KAT6A: variants seen among roughly 807,000 people sequenced by gnomAD.
KAT6A encodes the protein lysine acetyltransferase 6A.
KAT6A carries 9 observed loss-of-function variants against 198.4 expected under a neutral mutation model. The observed-to-expected ratio is 0.05, with a 90% confidence interval of 0.03 to 0.08. The LOEUF (loss-of-function observed/expected upper bound fraction) is 0.08. Ranked by LOEUF, KAT6A falls within the 10% of genes least tolerant of loss-of-function variation. The pLI, the probability that KAT6A is intolerant of heterozygous loss-of-function variation, is 1.00. For synonymous variants in KAT6A, 890 were observed against 883.0 expected (o/e 1.01, Z -0.14); for missense variants, 2,077 against 2,509.9 (o/e 0.83, Z 3.69).
At chr8:41,953,348 T>C (rs1246066030) in intron 9 of KAT6A, among the ~76,000 whole-genome samples, 4 of 152,212 alleles carry the variant, frequency 2.6e-5, no homozygotes, top group African/African-American at 9.6e-5. Context: ...TTGACAGACA[T>C]GTGGAAAAGC....
chr8:41,932,685 C>T lies in KAT6A; in HGVS notation c.5535G>A (p.Leu1845=), dbSNP rs1214341703. The T allele has an allele frequency of 6.2e-7, 1 of 1,614,240 alleles. No homozygotes were observed. ...TNIGIPHTQR[L]QGQMPVKGHI... is the part of the protein sequence containing the mutation. ...GCCCCTTCACTGGCATTTGCCCTTG[C>T]AATCTCTGCGTGTGAGGAATGCCAA... The change falls in exon 17 of 17, where the codon TTG becomes TTA. Residue 1845 remains leucine (L), a synonymous_variant. Transcript: ENST00000265713.
rs966764128 is a variant in KAT6A at position 41,943,676 on chromosome 8, A to C, written c.2228+72T>G. The C allele has an allele frequency of 1.0e-5, 10 of 968,476 alleles. No homozygotes were observed. The Admixed American group carries it at 1.5e-4, about 15-fold the overall frequency. The allele number at this position is 968,476 out of a possible 1,614,324, so 60.0% of individuals were successfully genotyped here. On this transcript the variant is annotated intron_variant, in intron 13 of 16. Coordinates refer to ENST00000265713, the MANE Select transcript of KAT6A (RefSeq NM_006766.5). ...ATTAGTTAATGCCCTTTCATCAATA[A>C]TCTGACTGGCTGATCCAAAAAACTT... is the stretch of plus-strand genomic sequence containing the variant.
intron 13 of KAT6A, among the ~76,000 whole-genome samples, chr8:41,943,416 G>A (rs1053029102): frequency 6.6e-6 from 1 of 151,948 alleles, no homozygotes; most frequent in Admixed American, 6.6e-5. Flanking sequence ...ATTTAACATG[G>A]GCATTTTATT....
At chr8:42,027,328 T>A (rs934010032) in intron 2 of KAT6A, among the ~76,000 whole-genome samples, 4 of 152,228 alleles carry the variant, frequency 2.6e-5, no homozygotes, top group Non-Finnish European at 5.9e-5. Context: ...TCCCTCCTCT[T>A]TAATTTTTTG....
chr8:42,025,026 T>G (rs768572435), intron 2 of KAT6A, among the ~76,000 whole-genome samples: 26 of 152,194 alleles, frequency 1.7e-4, no homozygotes, highest in Non-Finnish European at 3.2e-4. Context: ...CTCCATACTG[T>G]TCTCCATAAT....
intron 2 of KAT6A, among the ~76,000 whole-genome samples, chr8:41,995,898 A>G (rs1022734730): frequency 2.6e-5 from 4 of 151,820 alleles, no homozygotes; most frequent in African/African-American, 9.7e-5. Context: ...CTGGTCTCGA[A>G]CTCTTAACCA....
At chr8:42,041,918 A>C (rs915528610) in intron 2 of KAT6A, among the ~76,000 whole-genome samples, 1 of 152,140 alleles carries the variant, frequency 6.6e-6, no homozygotes, top group Non-Finnish European at 1.5e-5. Flanking sequence ...TCCAAAGTGA[A>C]CAATCATTCT....
intron 2 of KAT6A, among the ~76,000 whole-genome samples, chr8:42,030,138 C>T (rs1170443966): frequency 2.6e-5 from 4 of 152,152 alleles, no homozygotes; most frequent in Admixed American, 6.5e-5. Context: ...CAAAATGGCA[C>T]CCTGCTGCAG....
Position 41,931,006 on chromosome 8 carries a change from TTAAA to T in KAT6A, c.*1195_*1198del, listed in dbSNP as rs1821514037. On this transcript the variant is annotated 3_prime_UTR_variant, in exon 17 of 17. Coordinates refer to ENST00000265713, the MANE Select transcript of KAT6A (RefSeq NM_006766.5). ...TACAAAAACTAGAGGTATGTATCAC[TTAAA>T]TAGCTACGAAACTCACACCGTGATC... 3 of 212,642 alleles carry T rather than the reference TTAAA, an allele frequency of 1.4e-5. No homozygotes were observed. The highest frequency in any genetic ancestry group is 5.9e-5 in the Admixed American group (1 of 16,994). 13.2% of individuals were successfully genotyped at this position (212,642 alleles called of 1,614,324 possible). A position where few individuals can be genotyped will look rare whatever the true frequency, so the allele number is the denominator to read the frequency against.
intron 9 of KAT6A, among the ~76,000 whole-genome samples, chr8:41,953,521 G>A (rs542986275): frequency 1.0e-3 from 157 of 152,212 alleles, no homozygotes; most frequent in African/African-American, 3.5e-3. Context: ...TTGCCCAGGC[G>A]AGAGTGCAAT....
Position 42,014,442 on chromosome 8 carries a change from A to C in KAT6A, c.601-26879T>G, listed in dbSNP as rs1826169051. On this transcript the variant is annotated intron_variant, in intron 2 of 16. Transcript: ENST00000265713. ...TCCACAGAAAAATCAATTGAAGATA[A>C]AATACCAGTTAAATGAACCACATTT... 2.6e-5 allele frequency among the ~76,000 whole-genome samples: 4 copies of C among 152,242 alleles called. No homozygotes were observed. The South Asian group carries it at 8.3e-4, about 32-fold the overall frequency.
chr8:41,977,064 T>C lies in KAT6A; in HGVS notation c.1307A>G (p.Gln436Arg), dbSNP rs781491341. ...GTTGCCCCTCTTTCTGATTCGATAT[T>C]GCTCAGAGTAGTCCACCACTTCCCC... ...ARGEVVDYSE[Q>R]YRIRKRGNRK... The change falls in exon 7 of 17, where the codon CAA becomes CGA. Residue 436 changes from glutamine to arginine, a missense_variant. This residue lies in a region of KAT6A where 206 missense variants were observed against 214.9 expected (regional missense o/e 0.96). Transcript: ENST00000265713. 1.9e-6 allele frequency: 3 copies of C among 1,613,630 alleles called. No individual in the cohort carries two copies. The highest frequency in any genetic ancestry group is 1.1e-5 in the South Asian group (1 of 91,048).
intron 1 of KAT6A, among the ~76,000 whole-genome samples, chr8:42,050,936 G>T (rs1007151510): frequency 6.6e-6 from 1 of 152,060 alleles, no homozygotes; most frequent in Non-Finnish European, 1.5e-5. Context: ...ACTCGCTTCC[G>T]ACAGTCCTTC....
At chr8:42,046,061 T>C (rs1432857310) in intron 2 of KAT6A, among the ~76,000 whole-genome samples, 1 of 152,162 alleles carries the variant, frequency 6.6e-6, no homozygotes, top group Non-Finnish European at 1.5e-5. Flanking sequence ...AAATAAGGAC[T>C]TGGATTAGAC....
chr8:41,964,177 A>AAACTTAACAATTTAT (rs1215787310), intron 8 of KAT6A, among the ~76,000 whole-genome samples: 1 of 152,196 alleles, frequency 6.6e-6, no homozygotes, highest in Admixed American at 6.5e-5. Context: ...ATTGACTCTG[A>AAACTTAACAATTTAT]AACTTAACAA....
At chr8:42,031,111 AAAAG>A (rs928749561) in intron 2 of KAT6A, among the ~76,000 whole-genome samples, 1 of 151,966 alleles carries the variant, frequency 6.6e-6, no homozygotes, top group African/African-American at 2.4e-5. Context: ...CAAAAGGTAC[AAAAG>A]AAACATACAG....
chr8:41,960,028 T>G (rs1490412861), intron 8 of KAT6A, among the ~76,000 whole-genome samples: 1 of 151,546 alleles, frequency 6.6e-6, no homozygotes, highest in Admixed American at 6.6e-5. Flanking sequence ...CTTGGGGACA[T>G]TATGCTAAGT....
intron 2 of KAT6A, among the ~76,000 whole-genome samples, chr8:42,011,689 G>C (rs1826024419): frequency 6.6e-6 from 1 of 151,832 alleles, no homozygotes; most frequent in Admixed American, 6.6e-5. Flanking sequence ...GTGGTGAGCT[G>C]AGATTGTGCC....
At chr8:41,949,914 C>A (rs1465772777) in intron 9 of KAT6A, among the ~76,000 whole-genome samples, 2 of 152,160 alleles carry the variant, frequency 1.3e-5, no homozygotes, top group Non-Finnish European at 2.9e-5. Context: ...TCCCATATAA[C>A]CTCACATCTT....
Sources: gnomAD v4.1 joint callset for allele counts (sites outside exome capture counted in the v4.1 genomes callset) on GRCh38, gnomAD v4.1.1 for gene constraint, gnomAD v4.1.1 regional missense constraint, MANE v1.5 for transcripts, NCBI Gene and HGNC (gene_info 2026-07-23, HGNC 2026-07-21) for gene names.